Variants in NIPAL3 observed in about 807,000 individuals in gnomAD.
NIPAL3 encodes the protein NIPA like domain containing 3, also known as NIPA-like protein 3.
NIPAL3 carries 41 observed loss-of-function variants against 47.2 expected under a neutral mutation model. The observed-to-expected ratio is 0.87, with a 90% CI of 0.68 to 1.13. The LOEUF (loss-of-function observed/expected upper bound fraction) is 1.13, where lower values mean the gene tolerates loss of function less well. Among genes scored for constraint, NIPAL3 ranks in the 50% most tolerant of loss-of-function variants. The probability of loss-of-function intolerance (pLI) is 0.00; values close to 1 mark genes in which losing one functional copy is unlikely to be tolerated. For missense variants in NIPAL3, 449 were observed against 530.1 expected (o/e 0.85, Z 1.50); for synonymous variants, 194 against 209.6 (o/e 0.93, Z 0.64).
chr1:24,413,748 G>C (rs941927993), upstream of NIPAL3: 8 of 152,256 alleles, frequency 5.3e-5, no homozygotes, highest in Non-Finnish European at 1.0e-4. Flanking sequence ...CCTAACATTC[G>C]CGAGTCCACC....
chr1:24,436,299 GT>G lies in NIPAL3; in HGVS notation c.94-3863del, dbSNP rs773888855. Among the ~76,000 whole-genome samples the G allele has an allele frequency of 1.9e-3, 281 of 147,798 alleles. 2 individuals carry two copies. The highest frequency in any genetic ancestry group is 3.5e-3 in the Middle Eastern group (1 of 282). On this transcript the variant is annotated intron_variant, in intron 2 of 11. Coordinates refer to ENST00000374399, the MANE Select transcript of NIPAL3 (RefSeq NM_020448.5). ...AGAGGAGGCTTTTCTTGGGGCTTTT[GT>G]TTTTTTTTTACCCTGCTCCACCCCT...
At position 24,449,573 on chromosome 1, in the gene NIPAL3, A is replaced by G; in HGVS notation, c.487A>G (p.Thr163Ala). Residue 163 changes from threonine to alanine, a missense_variant, in exon 6 of 12, where the codon ACA becomes GCA. Coordinates refer to ENST00000374399, the MANE Select transcript of NIPAL3 (RefSeq NM_020448.5). The surrounding 1 kb of genome is among the most constrained non-coding windows in gnomAD (Gnocchi z 4.5). ...TFAPNSHEKM[T>A]GENVTRHLVS... The stretch of plus-strand genomic sequence containing the variant: ...CGCACCCAACAGTCACGAGAAGATG[A>G]CAGGCGAGAATGTCACCAGGCACCT... 6.2e-7 allele frequency: 1 copy of G among 1,614,128 alleles called. No individual in the cohort carries two copies. Among genetic ancestry groups the G allele is most frequent in the Non-Finnish European group, 8.5e-7 (1 of 1,180,034 alleles).
chr1:24,462,068 A>G (rs887704544), intron 10 of NIPAL3, among the ~76,000 whole-genome samples: 1 of 152,226 alleles, frequency 6.6e-6, no homozygotes, highest in African/African-American at 2.4e-5. Flanking sequence ...ACTTACAGTC[A>G]TTGCAGAAGG....
chr1:24,414,368 G>GAGAA (rs1643914727), upstream of NIPAL3: 1 of 142,320 alleles, frequency 7.0e-6, no homozygotes, highest in African/African-American at 2.6e-5. Context: ...TCTAACAGAA[G>GAGAA]AAAAAAAAAA....
chr1:24,423,593 G>A lies in NIPAL3; in HGVS notation c.93+3953G>A, dbSNP rs1226458546. ...TGCAGTGAGCCGAGATCGCACCACT[G>A]CACTCCAGCCTGGGGGACAGATCGA... On this transcript the variant is annotated intron_variant, in intron 2 of 11. Transcript: ENST00000374399. 4.6e-5 allele frequency among the ~76,000 whole-genome samples: 7 copies of A among 152,272 alleles called. No individual in the cohort carries two copies. The East Asian group carries it at 9.7e-4, about 21-fold the overall frequency.
chr1:24,443,170 A>C (rs1645479291), intron 4 of NIPAL3, among the ~76,000 whole-genome samples: 1 of 152,204 alleles, frequency 6.6e-6, no homozygotes, highest in African/African-American at 2.4e-5. Context: ...AGAACATTTG[A>C]ACCAACTAAA....
At chr1:24,422,004 A>T (rs1050366710) in intron 2 of NIPAL3, 10 of 152,104 alleles carry the variant, frequency 6.6e-5, no homozygotes, top group African/African-American at 1.9e-4. Flanking sequence ...CAAGGAGGGG[A>T]CTCTGCAGGT....
intron 2 of NIPAL3, among the ~76,000 whole-genome samples, chr1:24,426,710 A>G (rs1166062434): frequency 6.6e-6 from 1 of 152,170 alleles, no homozygotes; most frequent in Non-Finnish European, 1.5e-5. Flanking sequence ...CTTGGGTAAC[A>G]CATCTCCACT....
chr1:24,464,064 G>GT lies in NIPAL3; in HGVS notation c.966dup (p.Asn323Ter), dbSNP rs774074352. Reference sequence around the variant, plus strand: ...TTCTTGGGCGTCTTCTTAATCACGCGTAACAGGAAGAAGCCCATTCCATTT... The same window carrying GT: ...TTCTTGGGCGTCTTCTTAATCACGCGTTAACAGGAAGAAGCCCATTCCATTT... On this transcript the variant is annotated frameshift_variant, in exon 11 of 12. Coordinates refer to ENST00000374399, the MANE Select transcript of NIPAL3 (RefSeq NM_020448.5). LOFTEE classifies it high-confidence loss of function. The GT allele has an allele frequency of 1.9e-6, 3 of 1,613,100 alleles. No homozygotes were observed. In the African/African-American group the frequency reaches 4.0e-5, roughly 22 times the overall value.
intron 8 of NIPAL3, among the ~76,000 whole-genome samples, chr1:24,456,821 A>G (rs2235558): frequency 0.66 from 100,974 of 152,096 alleles, 33,686 homozygotes; most frequent in East Asian, 0.78. Flanking sequence ...GGAGTGCAGT[A>G]GAGCCATCTC....
intron 4 of NIPAL3, 80 bp from the exon 5 acceptor site, chr1:24,445,105 C>T (rs1379050511): frequency 2.1e-6 from 2 of 946,310 alleles, no homozygotes; most frequent in Admixed American, 3.9e-5. Context: ...GCAAAGAAGC[C>T]ACCCAGAGGG....
chr1:24,431,504 A>G (rs79106388), intron 2 of NIPAL3, among the ~76,000 whole-genome samples: 2,398 of 152,308 alleles, frequency 0.016, 25 homozygotes, highest in Non-Finnish European at 0.025. Context: ...TGGTCCTTGC[A>G]ACCCTGATTT....
intron 8 of NIPAL3, 60 bp downstream of exon 8, chr1:24,456,333 G>A (rs112905882): frequency 7.5e-6 from 12 of 1,607,996 alleles, no homozygotes; most frequent in African/African-American, 5.3e-5. Context: ...TCTTTTGGGG[G>A]CCTGATGACG....
At position 24,464,119 on chromosome 1, in the gene NIPAL3, AG is replaced by A; in HGVS notation, c.1021+1del. On this transcript the variant is annotated frameshift_variant and splice_region_variant, in exon 11 of 12. Transcript: ENST00000374399. LOFTEE classifies it high-confidence loss of function. ...CCTATATTTCCATGGATGCCATGCC[AG>A]GTAAGGTTAAAGCCCCGTGGGTCTA... ...EPYISMDAMPGMQNMHDKGMT... is the reference protein window; with the variant it reads ...EPYISMDAMPXMQNMHDKGMT... The A allele has an allele frequency of 6.2e-7, 1 of 1,612,604 alleles. No homozygotes were observed.
At chr1:24,440,530 A>G (rs1198070386) in intron 3 of NIPAL3, among the ~76,000 whole-genome samples, 1 of 152,170 alleles carries the variant, frequency 6.6e-6, no homozygotes, top group Non-Finnish European at 1.5e-5. Flanking sequence ...CTTGCTGCAA[A>G]GCTGCTGGAA....
intron 11 of NIPAL3, among the ~76,000 whole-genome samples, chr1:24,468,375 G>T (rs1646787222): frequency 6.6e-6 from 1 of 152,144 alleles, no homozygotes; most frequent in African/African-American, 2.4e-5. Flanking sequence ...CTGACTAGGG[G>T]AATTGTAGGA....
chr1:24,462,007 A>G (rs1462828989), intron 10 of NIPAL3, among the ~76,000 whole-genome samples: 3 of 152,204 alleles, frequency 2.0e-5, no homozygotes, highest in African/African-American at 7.2e-5. Flanking sequence ...TTTATAAAGG[A>G]AAGAGATTTA....
rs1646848099 is a variant in NIPAL3, at chr1:24,469,955, T to A, written c.*770T>A. The stretch of plus-strand genomic sequence containing the variant: ...GCCCATTAAGGAAGAAAAGTTCCCC[T>A]TACTCTTACAAAAGGTGATTGCACC... On this transcript the variant is annotated 3_prime_UTR_variant, in exon 12 of 12. Transcript: ENST00000374399. The A allele has an allele frequency of 6.6e-6, 1 of 152,198 alleles. No individual in the cohort carries two copies. The highest frequency in any genetic ancestry group is 1.5e-5 in the Non-Finnish European group (1 of 68,034). The allele number at this position is 152,198 out of a possible 1,614,324, so 9.4% of individuals were successfully genotyped here.
rs1646872949 is a variant in NIPAL3, at chr1:24,470,660, CA to C, written c.*1476del. Reference sequence around the variant, plus strand: ...GAGCTACACTCACCACTTCCCTAGACAGCCTTTAATAGGCATGATAACAGTG... The same window carrying C: ...GAGCTACACTCACCACTTCCCTAGACGCCTTTAATAGGCATGATAACAGTG... On this transcript the variant is annotated 3_prime_UTR_variant, in exon 12 of 12. Transcript: ENST00000374399. 1 of 152,270 alleles carries C rather than the reference CA, an allele frequency of 6.6e-6. No individual in the cohort carries two copies. Among genetic ancestry groups the C allele is most frequent in the South Asian group, 2.1e-4 (1 of 4,832 alleles). 9.4% of individuals were successfully genotyped at this position (152,270 alleles called of 1,614,324 possible). A position where few individuals can be genotyped will look rare whatever the true frequency, so the allele number is the denominator to read the frequency against.
Sources: gnomAD v4.1 joint callset for allele counts (sites outside exome capture counted in the v4.1 genomes callset) on GRCh38, gnomAD v4.1.1 for gene constraint, Gnocchi (gnomAD v3.1) non-coding constraint, MANE v1.5 for transcripts, NCBI Gene and HGNC (gene_info 2026-07-23, HGNC 2026-07-21) for gene names.